Variants in FRMD4A observed in about 807,000 individuals in gnomAD.
FRMD4A encodes FERM domain-containing protein 4A.
In FRMD4A, 29 loss-of-function variants were observed where a neutral mutation model predicts 129.1. The observed-to-expected ratio is 0.22, with a 90% confidence interval of 0.17 to 0.31. FRMD4A has a LOEUF of 0.31. FRMD4A is among the 10% of genes least tolerant of loss of function. FRMD4A has a pLI of 1.00. For missense variants in FRMD4A, 1,272 were observed against 1,375.8 expected (o/e 0.92, Z 1.19); for synonymous variants, 634 against 571.6 (o/e 1.11, Z -1.56).
At chr10:14,163,839 T>C (rs2131874108) in intron 2 of FRMD4A, among the ~76,000 whole-genome samples, 1 of 152,312 alleles carries the variant, frequency 6.6e-6, no homozygotes, top group Middle Eastern at 3.4e-3. Context: ...CCGAGTCGTG[T>C]TCCCTTCTTC....
At chr10:14,200,568 G>A (rs1305617510) in intron 2 of FRMD4A, among the ~76,000 whole-genome samples, 2 of 152,166 alleles carry the variant, frequency 1.3e-5, no homozygotes. Context: ...TACAGACAGG[G>A]ATGTGGAGAA....
chr10:14,122,029 T>G (rs1564312643), intron 2 of FRMD4A, among the ~76,000 whole-genome samples: 1 of 152,196 alleles, frequency 6.6e-6, no homozygotes, highest in Non-Finnish European at 1.5e-5. Context: ...GTTACACTAT[T>G]AGAAAGTGCA....
intron 2 of FRMD4A, among the ~76,000 whole-genome samples, chr10:14,166,408 T>C (rs191211300): frequency 2.6e-5 from 4 of 152,326 alleles, no homozygotes; most frequent in Admixed American, 6.5e-5. Flanking sequence ...TCTGTGGAGA[T>C]ACACTGGAAG....
chr10:14,309,089 A>G (rs1344961022), intron 2 of FRMD4A, among the ~76,000 whole-genome samples: 6 of 152,236 alleles, frequency 3.9e-5, no homozygotes, highest in Non-Finnish European at 8.8e-5. Context: ...CGGCTCACAG[A>G]TAAAGATGTT....
At chr10:13,882,538 G>A (rs1006413273) in intron 2 of FRMD4A, among the ~76,000 whole-genome samples, 2 of 152,178 alleles carry the variant, frequency 1.3e-5, no homozygotes, top group African/African-American at 4.8e-5. Context: ...AGGCTGCTTT[G>A]GGGAATAGTA....
intron 2 of FRMD4A, among the ~76,000 whole-genome samples, chr10:13,969,570 G>T (rs552360459): frequency 1.6e-4 from 24 of 152,382 alleles, no homozygotes; most frequent in African/African-American, 5.8e-4. Context: ...GACAAAGAGT[G>T]CCAGATGTGG....
At chr10:13,738,812 G>C (rs1211230965) in intron 11 of FRMD4A, among the ~76,000 whole-genome samples, 1 of 152,104 alleles carries the variant, frequency 6.6e-6, no homozygotes, top group Non-Finnish European at 1.5e-5. Flanking sequence ...GTAGAGACAG[G>C]ATTTCACCAT....
chr10:13,703,159 G>T (rs11258540), intron 13 of FRMD4A, among the ~76,000 whole-genome samples: 12 of 152,198 alleles, frequency 7.9e-5, no homozygotes, highest in South Asian at 2.1e-4. Flanking sequence ...GGTGGTGCAA[G>T]GCTAGGTACC....
chr10:13,854,070 C>T (rs1424601140), intron 3 of FRMD4A, among the ~76,000 whole-genome samples: 1 of 152,022 alleles, frequency 6.6e-6, no homozygotes, highest in Non-Finnish European at 1.5e-5. Flanking sequence ...TAGTGAAAAT[C>T]CACTCTATTT....
At chr10:13,741,725 G>A (rs2091016269) in intron 9 of FRMD4A, among the ~76,000 whole-genome samples, 1 of 152,226 alleles carries the variant, frequency 6.6e-6, no homozygotes, top group Admixed American at 6.5e-5. Context: ...CAGGAGGATG[G>A]AATGTTCTGG....
intron 3 of FRMD4A, among the ~76,000 whole-genome samples, chr10:13,819,458 G>C (rs2093596445): frequency 6.6e-6 from 1 of 151,960 alleles, no homozygotes; most frequent in Admixed American, 6.6e-5. Flanking sequence ...CCCTCCTCTG[G>C]ATTTCTACAG....
chr10:13,733,126 C>T (rs2090422105), intron 12 of FRMD4A, among the ~76,000 whole-genome samples: 1 of 152,256 alleles, frequency 6.6e-6, no homozygotes, highest in Admixed American at 6.5e-5. Flanking sequence ...TATGCATTCA[C>T]ACGTGTGTGC....
chr10:14,285,114 T>C (rs1380050607), intron 2 of FRMD4A, among the ~76,000 whole-genome samples: 1 of 152,236 alleles, frequency 6.6e-6, no homozygotes, highest in African/African-American at 2.4e-5. Flanking sequence ...GGGTTTAATG[T>C]GTAAGTATTG....
intron 15 of FRMD4A, chr10:13,685,745 C>T: frequency 2.4e-6 from 1 of 423,948 alleles, no homozygotes; most frequent in Non-Finnish European, 3.2e-6. Flanking sequence ...GAGTTTGAGG[C>T]TGGAGTGAGC....
At chr10:13,899,044 G>A (rs879579010) in intron 2 of FRMD4A, among the ~76,000 whole-genome samples, 23 of 152,138 alleles carry the variant, frequency 1.5e-4, no homozygotes, top group Admixed American at 1.4e-3. Flanking sequence ...AAATTAGCTG[G>A]GTTTGCACCT....
chr10:14,127,918 CTT>C (rs1441669391), intron 2 of FRMD4A, among the ~76,000 whole-genome samples: 1 of 2,984 alleles, frequency 3.4e-4, no homozygotes, highest in Non-Finnish European at 6.0e-4. Context: ...TTCTTTCTTT[CTT>C]TCTTTCTTTC....
chr10:13,951,929 T>TAATAATAAA (rs1554984653), intron 2 of FRMD4A, among the ~76,000 whole-genome samples: 1,900 of 145,888 alleles, frequency 0.013, 26 homozygotes, highest in Non-Finnish European at 0.016. Flanking sequence ...ATAATAATAA[T>TAATAATAAA]AAACAATCTA....
At chr10:14,236,283 G>A (rs934775686) in intron 2 of FRMD4A, among the ~76,000 whole-genome samples, 11 of 152,238 alleles carry the variant, frequency 7.2e-5, no homozygotes, top group African/African-American at 1.2e-4. Flanking sequence ...CGCATGAAGC[G>A]TGGATGAAGA....
intron 2 of FRMD4A, among the ~76,000 whole-genome samples, chr10:14,111,435 C>T (rs537972788): frequency 6.6e-6 from 1 of 152,228 alleles, no homozygotes; most frequent in East Asian, 1.9e-4. Flanking sequence ...TTTATTGTTG[C>T]CATTGGACAG....
Sources: allele counts gnomAD v4.1 joint callset (sites outside exome capture counted in the v4.1 genomes callset), GRCh38; gene constraint gnomAD v4.1.1; transcripts MANE v1.5; gene names NCBI Gene and HGNC (gene_info 2026-07-23, HGNC 2026-07-21).